The following NINJ2 variants were observed in gnomAD, a reference collection of about 807,000 sequenced individuals.
The protein encoded by NINJ2 is ninjurin 2.
In NINJ2, 12 loss-of-function variants were observed where a neutral mutation model predicts 11.7. The observed-to-expected ratio is 1.02, with a 90% confidence interval of 0.66 to 1.66. The LOEUF is 1.66. Ranked by LOEUF, NINJ2 falls within the 40% of genes most tolerant of loss-of-function variation. NINJ2 has a pLI of 0.00. For missense variants in NINJ2, 187 were observed against 181.8 expected (o/e 1.03, Z -0.16); for synonymous variants, 93 against 76.8 (o/e 1.21, Z -1.10).
intron 1 of NINJ2, among the ~76,000 whole-genome samples, chr12:616,453 G>A (rs192429074): frequency 6.6e-5 from 10 of 152,338 alleles, no homozygotes; most frequent in Non-Finnish European, 1.5e-4. Flanking sequence ...ATAAGACTGG[G>A]TCGTTGGGTG....
At chr12:590,546 G>C (rs1040940952) in intron 1 of NINJ2, 7 of 152,300 alleles carry the variant, frequency 4.6e-5, no homozygotes, top group African/African-American at 1.7e-4. Flanking sequence ...GCTCTTGTGT[G>C]AAAGGGGCAC....
intron 1 of NINJ2, among the ~76,000 whole-genome samples, chr12:648,992 A>G (rs7314382): frequency 0.041 from 2,456 of 59,412 alleles, 21 homozygotes; most frequent in Middle Eastern, 0.13. Context: ...CTATCTATCT[A>G]TCTGTCTATC....
intron 1 of NINJ2, among the ~76,000 whole-genome samples, chr12:661,790 G>A (rs1937961302): frequency 6.6e-6 from 1 of 152,310 alleles, no homozygotes; most frequent in East Asian, 1.9e-4. Flanking sequence ...GGAGGTCTTG[G>A]GCCAATTAGG....
At chr12:592,398 AAC>A (rs1279465557) in intron 1 of NINJ2, among the ~76,000 whole-genome samples, 1 of 152,148 alleles carries the variant, frequency 6.6e-6, no homozygotes, top group African/African-American at 2.4e-5. Context: ...ATTACGAAGA[AAC>A]AGAATAACTA....
chr12:565,308 TTGA>T lies in NINJ2; in HGVS notation c.353_355del (p.Ile118del), dbSNP rs1464855305. 1 of 1,614,180 alleles carries T rather than the reference TTGA, an allele frequency of 6.2e-7. No individual in the cohort carries two copies. The highest frequency in any genetic ancestry group is 1.7e-5 in the Admixed American group (1 of 60,028). On this transcript the variant is annotated inframe_deletion, in exon 3 of 4. Transcript: ENST00000305108. ...TGCCCCGAAGGCTGTAATGAAAACA[TTGA>T]TGACCACAGTGAAGAAGACCAAGAT...
chr12:580,265 G>C lies in NINJ2; in HGVS notation c.34-14087C>G, dbSNP rs1298277053. Among the ~76,000 whole-genome samples the C allele has an allele frequency of 1.3e-5, 2 of 152,148 alleles. No individual in the cohort carries two copies. Among genetic ancestry groups the C allele is most frequent in the South Asian group, 2.1e-4 (1 of 4,820 alleles). ...GGAACAAGGGGGCGCCTCACCTGGA[G>C]TGCTGAATGAATGAAGGAGTGAATG... is the stretch of plus-strand genomic sequence containing the variant. On this transcript the variant is annotated intron_variant, in intron 1 of 3. Transcript: ENST00000305108. This position sits in a 1 kb window ranked among gnomAD's most constrained non-coding sequence, Gnocchi z 4.7.
chr12:615,247 A>AT (rs1315823453), intron 1 of NINJ2, among the ~76,000 whole-genome samples: 6 of 152,202 alleles, frequency 3.9e-5, no homozygotes, highest in Admixed American at 3.3e-4. Context: ...GAGGAGCATG[A>AT]TTTTTTTAAA....
Position 580,802 on chromosome 12 carries a change from G to A in NINJ2, c.34-14624C>T, listed in dbSNP as rs1439279015. On this transcript the variant is annotated intron_variant, in intron 1 of 3. Transcript: ENST00000305108. This position sits in a 1 kb window ranked among gnomAD's most constrained non-coding sequence, Gnocchi z 4.7. ...CAGCCACAATGTGTTTTCTGTGTGTGTGTGTCTGTGTGTATGCGTGTGTGT... is the reference window on the plus strand; with the variant it reads ...CAGCCACAATGTGTTTTCTGTGTGTATGTGTCTGTGTGTATGCGTGTGTGT... Among the ~76,000 whole-genome samples the A allele has an allele frequency of 1.3e-5, 2 of 151,936 alleles. No homozygotes were observed. Among genetic ancestry groups the A allele is most frequent in the African/African-American group, 4.8e-5 (2 of 41,342 alleles).
chr12:634,972 G>C (rs1367469599), intron 1 of NINJ2, among the ~76,000 whole-genome samples: 4 of 151,870 alleles, frequency 2.6e-5, no homozygotes, highest in Admixed American at 2.6e-4. Context: ...TAGAATTCTT[G>C]GTCTCAGGCT....
At chr12:642,624 C>T (rs1008425963) in intron 1 of NINJ2, 1 of 152,430 alleles carries the variant, frequency 6.6e-6, no homozygotes, top group African/African-American at 2.4e-5. Context: ...CAGACTGGCG[C>T]TCCCCGGACT....
rs565790216 is a variant in NINJ2, at chr12:633,450, A to T, written c.33+29878T>A. Among the ~76,000 whole-genome samples, 1 of 152,110 alleles carries T rather than the reference A, an allele frequency of 6.6e-6. No homozygotes were observed. The highest frequency in any genetic ancestry group is 6.5e-5 in the Admixed American group (1 of 15,280). On this transcript the variant is annotated intron_variant, in intron 1 of 3. Coordinates refer to ENST00000305108, the MANE Select transcript of NINJ2 (RefSeq NM_016533.6). This position sits in a 1 kb window ranked among gnomAD's most constrained non-coding sequence, Gnocchi z 4.3. ...AGGAGGTGGACGCTGCAGTGAGCCG[A>T]GATGGTGCCACTGCATTCCAGCCTG...
intron 1 of NINJ2, among the ~76,000 whole-genome samples, chr12:567,364 C>T (rs1404780098): frequency 1.3e-5 from 2 of 151,824 alleles, no homozygotes; most frequent in Non-Finnish European, 2.9e-5. Context: ...TATATATGCA[C>T]AGTGATGCAT....
At chr12:649,394 A>G (rs1937750074) in intron 1 of NINJ2, among the ~76,000 whole-genome samples, 1 of 152,134 alleles carries the variant, frequency 6.6e-6, no homozygotes, top group Non-Finnish European at 1.5e-5. Context: ...ACAAAAAATA[A>G]GAGTTGTCCT....
chr12:617,662 A>G (rs1250224567), intron 1 of NINJ2, among the ~76,000 whole-genome samples: 1 of 152,170 alleles, frequency 6.6e-6, no homozygotes, highest in Admixed American at 6.5e-5. Flanking sequence ...GAGCACTCCC[A>G]GCTGCAGCCC....
In NINJ2 at chr12:566,070, T is replaced by C. The variant is rs760009959; in HGVS notation, c.142A>G (p.Met48Val). 6.2e-7 allele frequency: 1 copy of C among 1,613,964 alleles called. No homozygotes were observed. Among genetic ancestry groups the C allele is most frequent in the East Asian group, 2.2e-5 (1 of 44,880 alleles). Residue 48 changes from methionine to valine, a missense_variant, in exon 2 of 4, where the codon ATG (methionine) becomes GTG (valine). Physicochemically the swap from Met to Val is conservative, Grantham distance 21 (BLOSUM62 1). Coordinates refer to ENST00000305108, the MANE Select transcript of NINJ2 (RefSeq NM_016533.6). ...TGCTCCAGCACCGCCTTCAGCCGCA[T>C]GGCGTTGGACATGAACAGGGCCACG... is the stretch of plus-strand genomic sequence containing the variant. ...LDVALFMSNA[M>V]RLKAVLEQGP...
rs77612954 is a variant in NINJ2, at chr12:576,122, T to A, written c.34-9944A>T. On this transcript the variant is annotated intron_variant, in intron 1 of 3. Coordinates refer to ENST00000305108, the MANE Select transcript of NINJ2 (RefSeq NM_016533.6). ...TGCGTGTTATTCCAGCAATAATACG[T>A]AACTGGTCCAGAAACCGCCTCTGAG... 4.4e-3 allele frequency among the ~76,000 whole-genome samples: 677 copies of A among 152,228 alleles called. 32 individuals carry two copies. The East Asian group carries it at 0.11, about 24-fold the overall frequency.
At position 629,938 on chromosome 12, in the gene NINJ2, T is replaced by C. The variant is rs1447502188; in HGVS notation, c.33+33390A>G. Among the ~76,000 whole-genome samples the C allele has an allele frequency of 4.0e-5, 5 of 124,364 alleles. No homozygotes were observed. The East Asian group carries it at 1.2e-3, about 30-fold the overall frequency. The allele number at this position is 124,364 out of a possible 152,430, so 81.6% of individuals were successfully genotyped here. A position where few individuals can be genotyped will look rare whatever the true frequency, so the allele number is the denominator to read the frequency against. On this transcript the variant is annotated intron_variant, in intron 1 of 3. Coordinates refer to ENST00000305108, the MANE Select transcript of NINJ2 (RefSeq NM_016533.6). ...ATATATATATGAAGTTTCTTTGCGA[T>C]TTTTTAAAAGTGTATCAGCCATTGT...
At chr12:575,864 C>T (rs753063827) in intron 1 of NINJ2, among the ~76,000 whole-genome samples, 1 of 152,136 alleles carries the variant, frequency 6.6e-6, no homozygotes. Flanking sequence ...GCAGGGAGAG[C>T]CCTTTTTCCC....
At chr12:613,352 A>G (rs914221116) in intron 1 of NINJ2, among the ~76,000 whole-genome samples, 2 of 152,230 alleles carry the variant, frequency 1.3e-5, no homozygotes, top group African/African-American at 2.4e-5. Context: ...TCATGCCTAT[A>G]ATCCCAGCAC....
Sources: gnomAD v4.1 joint callset for allele counts (sites outside exome capture counted in the v4.1 genomes callset) on GRCh38, gnomAD v4.1.1 for gene constraint, Gnocchi (gnomAD v3.1) non-coding constraint, MANE v1.5 for transcripts, NCBI Gene and HGNC (gene_info 2026-07-23, HGNC 2026-07-21) for gene names.